The following ROR1 variants were observed in gnomAD, a reference collection of about 807,000 sequenced individuals.
ROR1 encodes ROR family WNT receptor 1.
ROR1 carries 19 observed loss-of-function variants against 78.8 expected under a neutral mutation model. That is an observed-to-expected ratio of 0.24 (90% CI 0.17 to 0.35). The LOEUF is 0.35. Among genes scored for constraint, ROR1 ranks in the 10% least tolerant of loss-of-function variants. ROR1 has a pLI of 1.00. For missense variants in ROR1, 917 were observed against 1,177.8 expected (o/e 0.78, Z 3.24); for synonymous variants, 386 against 433.6 (o/e 0.89, Z 1.36).
intron 1 of ROR1, among the ~76,000 whole-genome samples, chr1:63,994,450 C>T (rs189999979): frequency 1.1e-4 from 17 of 152,242 alleles, no homozygotes; most frequent in Admixed American, 5.9e-4. Flanking sequence ...ATGGTTAATA[C>T]GGTCAAATTT....
intron 1 of ROR1, among the ~76,000 whole-genome samples, chr1:63,938,400 G>A (rs1645810160): frequency 6.6e-6 from 1 of 152,078 alleles, no homozygotes; most frequent in Non-Finnish European, 1.5e-5. Flanking sequence ...CCATGATACT[G>A]AAGGATGACT....
chr1:64,133,500 G>T (rs1569830327), intron 4 of ROR1, among the ~76,000 whole-genome samples: 1 of 152,294 alleles, frequency 6.6e-6, no homozygotes, highest in Middle Eastern at 3.4e-3. Context: ...GACCCTGGAG[G>T]TGGATTACAG....
chr1:63,893,518 A>T (rs527322868), intron 1 of ROR1, among the ~76,000 whole-genome samples: 1 of 152,312 alleles, frequency 6.6e-6, no homozygotes, highest in South Asian at 2.1e-4. Context: ...ATTTTTGATG[A>T]CACCATTTCA....
intron 1 of ROR1, among the ~76,000 whole-genome samples, chr1:63,912,971 A>G (rs1252586243): frequency 2.0e-5 from 3 of 152,016 alleles, no homozygotes; most frequent in African/African-American, 7.3e-5. Context: ...TAGTGACACC[A>G]CATCTTCCCT....
chr1:63,805,608 G>T (rs1197509530), intron 1 of ROR1, among the ~76,000 whole-genome samples: 1 of 152,186 alleles, frequency 6.6e-6, no homozygotes, highest in Admixed American at 6.5e-5. Context: ...GCACAAAAAG[G>T]TGATGTCTTG....
chr1:64,091,250 T>C (rs1647194629), intron 4 of ROR1, among the ~76,000 whole-genome samples: 1 of 152,116 alleles, frequency 6.6e-6, no homozygotes, highest in Non-Finnish European at 1.5e-5. Context: ...TTTAGCATCA[T>C]GGGATAAGTG....
At chr1:64,089,310 G>C (rs1192360460) in intron 4 of ROR1, among the ~76,000 whole-genome samples, 1 of 151,966 alleles carries the variant, frequency 6.6e-6, no homozygotes, top group Non-Finnish European at 1.5e-5. Flanking sequence ...CCCAGGCTCA[G>C]ATGATCCTCC....
chr1:63,898,868 GC>G (rs1313116198), intron 1 of ROR1, among the ~76,000 whole-genome samples: 1 of 151,950 alleles, frequency 6.6e-6, no homozygotes, highest in Non-Finnish European at 1.5e-5. Flanking sequence ...GGTCCTTCTG[GC>G]CTAATTTCTG....
At chr1:64,152,080 A>G (rs1649643538) in intron 7 of ROR1, among the ~76,000 whole-genome samples, 3 of 152,166 alleles carry the variant, frequency 2.0e-5, no homozygotes, top group Non-Finnish European at 4.4e-5. Context: ...CTGCCTTTGT[A>G]AGCTAGAAAC....
At chr1:63,816,405 G>A (rs1644892478) in intron 1 of ROR1, among the ~76,000 whole-genome samples, 1 of 152,166 alleles carries the variant, frequency 6.6e-6, no homozygotes, top group African/African-American at 2.4e-5. Context: ...AAACGTGATG[G>A]TTTTAAAAAT....
chr1:63,909,086 A>G (rs1645549357), intron 1 of ROR1, among the ~76,000 whole-genome samples: 1 of 152,156 alleles, frequency 6.6e-6, no homozygotes, highest in Non-Finnish European at 1.5e-5. Context: ...TGAAGTTGTG[A>G]CAGCTTAGTA....
At chr1:63,887,184 C>T (rs1233880654) in intron 1 of ROR1, among the ~76,000 whole-genome samples, 2 of 150,074 alleles carry the variant, frequency 1.3e-5, no homozygotes, top group Non-Finnish European at 3.0e-5. Flanking sequence ...AGCTCACCTT[C>T]CTTTGCCCTA....
chr1:64,020,298 A>G (rs1646554774), intron 2 of ROR1, among the ~76,000 whole-genome samples: 1 of 152,192 alleles, frequency 6.6e-6, no homozygotes, highest in African/African-American at 2.4e-5. Context: ...CTTAATCAAT[A>G]TATTATGTTG....
chr1:64,174,769 T>A lies in ROR1; in HGVS notation c.1387-2659T>A, dbSNP rs930175830. Among the ~76,000 whole-genome samples the A allele has an allele frequency of 2.6e-5, 4 of 152,266 alleles. No individual in the cohort carries two copies. The South Asian group carries it at 8.3e-4, about 32-fold the overall frequency. ...CAATCTTAATGTCATGCAGGAAAAA[T>A]TCACCTTGAGTTACTCTTGCCAGCA... On this transcript the variant is annotated intron_variant, in intron 8 of 8. Coordinates refer to ENST00000371079, the MANE Select transcript of ROR1 (RefSeq NM_005012.4).
Position 63,774,531 on chromosome 1 carries a change from C to G in ROR1, c.91+23C>G. 9.2e-7 allele frequency: 1 copy of G among 1,089,114 alleles called. No individual in the cohort carries two copies. The highest frequency in any genetic ancestry group is 1.1e-6 in the Non-Finnish European group (1 of 897,608). 67.5% of individuals were successfully genotyped at this position (1,089,114 alleles called of 1,614,324 possible). On this transcript the variant is annotated intron_variant, in intron 1 of 8. Transcript: ENST00000371079. This position sits in a 1 kb window ranked among gnomAD's most constrained non-coding sequence, Gnocchi z 5.7. ...AAGGTAAGAGGCGCCCGCCGGCCCC[C>G]GCCCGCCCAGACCCCCTGACCCGTG...
intron 1 of ROR1, among the ~76,000 whole-genome samples, chr1:63,792,199 T>C (rs1644730983): frequency 6.6e-6 from 1 of 151,972 alleles, no homozygotes; most frequent in Non-Finnish European, 1.5e-5. Flanking sequence ...GGAGGAGCAG[T>C]GAGTGCAGAG....
intron 1 of ROR1, among the ~76,000 whole-genome samples, chr1:63,917,584 C>G (rs560347185): frequency 6.6e-6 from 1 of 152,028 alleles, no homozygotes; most frequent in Non-Finnish European, 1.5e-5. Context: ...TCATGGAAAC[C>G]GATGCAAAAT....
intron 4 of ROR1, among the ~76,000 whole-genome samples, chr1:64,061,253 T>G (rs1246173839): frequency 6.6e-6 from 1 of 152,228 alleles, no homozygotes; most frequent in East Asian, 1.9e-4. Context: ...TTTTCTGTGT[T>G]CCAGGTCTTT....
At chr1:64,090,574 A>G (rs1331432116) in intron 4 of ROR1, among the ~76,000 whole-genome samples, 1 of 152,232 alleles carries the variant, frequency 6.6e-6, no homozygotes, top group African/African-American at 2.4e-5. Context: ...CAAAAGCTCA[A>G]TGTTTCCAAG....
Sources: gnomAD v4.1 joint callset for allele counts (sites outside exome capture counted in the v4.1 genomes callset) on GRCh38, gnomAD v4.1.1 for gene constraint, Gnocchi (gnomAD v3.1) non-coding constraint, MANE v1.5 for transcripts, NCBI Gene and HGNC (gene_info 2026-07-23, HGNC 2026-07-21) for gene names.